AFDN: variants seen among roughly 807,000 people sequenced by gnomAD.
AFDN encodes afadin, adherens junction formation factor.
A neutral mutation model predicts 216.6 loss-of-function variants in AFDN; 68 were observed. The ratio of observed to expected loss-of-function variants is 0.31; its 90% CI spans 0.26 to 0.38. AFDN has a LOEUF of 0.38. Ranked by LOEUF, AFDN falls within the 10% of genes least tolerant of loss-of-function variation. The pLI, the probability that AFDN is intolerant of heterozygous loss-of-function variation, is 1.00. For synonymous variants in AFDN, 868 were observed against 853.7 expected, an observed-to-expected ratio of 1.02 and a Z score of -0.29; for missense variants, 2,136 against 2,342.0, an observed-to-expected ratio of 0.91 and a Z score of 1.82.
chr6:167,866,134 C>G (rs572470550), intron 2 of AFDN, among the ~76,000 whole-genome samples: 76 of 149,870 alleles, frequency 5.1e-4, no homozygotes, highest in Middle Eastern at 3.4e-3. Context: ...TCTTTTTAGT[C>G]TGTGCTGTTC....
At chr6:167,855,099 C>T (rs1039363420) in intron 1 of AFDN, among the ~76,000 whole-genome samples, 1 of 151,890 alleles carries the variant, frequency 6.6e-6, no homozygotes, top group African/African-American at 2.4e-5. Context: ...TCTTCATGTC[C>T]TTGATAACTA....
chr6:167,910,755 C>G (rs940274251), intron 13 of AFDN, among the ~76,000 whole-genome samples: 2 of 152,174 alleles, frequency 1.3e-5, no homozygotes, highest in East Asian at 3.8e-4. Context: ...TCACTTAGTA[C>G]TTTGTTTTCA....
rs149771888 is a variant in AFDN, at chr6:167,946,349, G to A, written c.3359-358G>A. The stretch of plus-strand genomic sequence containing the variant: ...CATGACGGCTGCTCAGAACGATGAC[G>A]CTGGGCGATTAAAAGTTCAGATATT... On this transcript the variant is annotated intron_variant, in intron 26 of 33. Coordinates refer to ENST00000683244, the MANE Select transcript of AFDN (RefSeq NM_001386888.1). Among the ~76,000 whole-genome samples the A allele has an allele frequency of 2.3e-3, 356 of 152,284 alleles. 4 individuals are homozygous for A. The highest frequency in any genetic ancestry group is 7.5e-3 in the African/African-American group (313 of 41,552).
chr6:167,846,602 G>A (rs1781708518), intron 1 of AFDN, among the ~76,000 whole-genome samples: 1 of 149,790 alleles, frequency 6.7e-6, no homozygotes, highest in African/African-American at 2.5e-5. Flanking sequence ...TATTTGTTGT[G>A]ATGTATATTT....
intron 11 of AFDN, 88 bp from the exon 12 acceptor site, chr6:167,902,228 AT>A: frequency 1.1e-6 from 1 of 920,530 alleles, no homozygotes; most frequent in Non-Finnish European, 1.7e-6. Context: ...GACATTTGGT[AT>A]TTTAGTTCTT....
At chr6:167,880,545 C>G in intron 6 of AFDN, 28 bp downstream of exon 6, 2 of 1,599,690 alleles carry the variant, frequency 1.3e-6, no homozygotes, top group Non-Finnish European at 1.7e-6. Flanking sequence ...ATCAGTAGTT[C>G]TTTCTACTTC....
chr6:167,959,757 G>A (rs919370561), intron 30 of AFDN, among the ~76,000 whole-genome samples: 2 of 152,294 alleles, frequency 1.3e-5, no homozygotes, highest in Non-Finnish European at 1.5e-5. Flanking sequence ...GGGGAATGTG[G>A]ACTACCCATA....
At position 167,956,114 on chromosome 6, in the gene AFDN, CAAAA is replaced by C. The variant is rs59521151; in HGVS notation, c.4833+3950_4833+3953del. 8.0e-3 allele frequency among the ~76,000 whole-genome samples: 332 copies of C among 41,286 alleles called. 2 individuals carry two copies. The highest frequency in any genetic ancestry group is 0.028 in the African/African-American group (309 of 11,032). 27.1% of individuals were successfully genotyped at this position (41,286 alleles called of 152,430 possible). ...TGGGGAACAGAGCGAGACTTTGGCT[CAAAA>C]AAAAAAAAAAAAAAAAAAAAAACTA... is the stretch of plus-strand genomic sequence containing the variant. On this transcript the variant is annotated intron_variant, in intron 30 of 33. Coordinates refer to ENST00000683244, the MANE Select transcript of AFDN (RefSeq NM_001386888.1).
chr6:167,845,363 A>G (rs2128146369), intron 1 of AFDN, among the ~76,000 whole-genome samples: 1 of 152,152 alleles, frequency 6.6e-6, no homozygotes, highest in Middle Eastern at 3.4e-3. Flanking sequence ...TATTTTTGCT[A>G]TTAAATGAAT....
intron 15 of AFDN, among the ~76,000 whole-genome samples, chr6:167,912,630 C>T (rs993074689): frequency 3.9e-5 from 6 of 152,170 alleles, no homozygotes; most frequent in African/African-American, 1.4e-4. Flanking sequence ...TTTCAGTTGT[C>T]ATTCAAAGCC....
In AFDN at chr6:167,951,575, G is replaced by A. The variant is rs145659193; in HGVS notation, c.4221G>A (p.Pro1407=). The change falls in exon 30 of 34, where the codon CCG becomes CCA. Residue 1407 remains proline, a synonymous_variant. Transcript: ENST00000683244. This position sits in a 1 kb window ranked among gnomAD's most constrained non-coding sequence, Gnocchi z 7.1. The part of the protein sequence containing the change: ...PPPSANQIGL[P]SAQVAAAERR... ...CTTCCGCCAACCAGATAGGGCTGCC[G>A]TCTGCGCAGGTGGCTGCTGCTGAAC... 8.8e-5 allele frequency: 142 copies of A among 1,613,964 alleles called. No individual in the cohort carries two copies. The African/African-American group carries it at 9.2e-4, about 10-fold the overall frequency.
chr6:167,911,240 T>TA (rs1562655927), intron 14 of AFDN, 44 bp from the exon 15 acceptor site: 1 of 1,604,194 alleles, frequency 6.2e-7, no homozygotes, highest in South Asian at 1.1e-5. Flanking sequence ...CATTCGTTTT[T>TA]ATTCTTTTTT....
At chr6:167,959,244 G>C (rs1453082018) in intron 30 of AFDN, among the ~76,000 whole-genome samples, 1 of 152,226 alleles carries the variant, frequency 6.6e-6, no homozygotes, top group South Asian at 2.1e-4. Flanking sequence ...AAGTGTGTGG[G>C]CTGTGCTACA....
At chr6:167,925,135 G>A (rs372814121) in intron 23 of AFDN, 44 bp downstream of exon 23, 7 of 1,380,962 alleles carry the variant, frequency 5.1e-6, no homozygotes, top group South Asian at 2.3e-5. Flanking sequence ...CCAGTCTTTC[G>A]GCATTGAATC....
intron 6 of AFDN, among the ~76,000 whole-genome samples, chr6:167,888,930 A>C (rs1787213169): frequency 6.6e-6 from 1 of 152,160 alleles, no homozygotes; most frequent in Non-Finnish European, 1.5e-5. Flanking sequence ...GTACTGCCGT[A>C]CTGCCTTTCC....
chr6:167,933,258 G>T (rs1037957860), intron 23 of AFDN, among the ~76,000 whole-genome samples: 4 of 152,150 alleles, frequency 2.6e-5, no homozygotes, highest in African/African-American at 9.7e-5. Context: ...AATGCCTTAA[G>T]TATGTTCAAG....
In AFDN at chr6:167,955,290, C is replaced by T. The variant is rs116321430; in HGVS notation, c.4833+3103C>T. Among the ~76,000 whole-genome samples the T allele has an allele frequency of 2.4e-5, 3 of 123,252 alleles. No homozygotes were observed. In the East Asian group the frequency reaches 1.6e-3, roughly 66 times the overall value. The allele number at this position is 123,252 out of a possible 152,430, so 80.9% of individuals were successfully genotyped here. On this transcript the variant is annotated intron_variant, in intron 30 of 33. Transcript: ENST00000683244. ...GGCCTTTTCACCAAATAATAGTCCCCTTTTCCTTCCCCCCTCAGTTTAGCA... is the reference window on the plus strand; with the variant it reads ...GGCCTTTTCACCAAATAATAGTCCCTTTTTCCTTCCCCCCTCAGTTTAGCA...
chr6:167,923,357 A>G (rs16886314), intron 22 of AFDN: 18,650 of 153,422 alleles, frequency 0.12, 1,359 homozygotes, highest in South Asian at 0.23. Flanking sequence ...GTAATATTTT[A>G]TATCTTTTTG....
chr6:167,950,621 C>T (rs940103092), intron 29 of AFDN, among the ~76,000 whole-genome samples: 3 of 152,120 alleles, frequency 2.0e-5, no homozygotes, highest in Non-Finnish European at 2.9e-5. Context: ...CAGAAAGTCA[C>T]GGATGGTTAC....
Sources: gnomAD v4.1 joint callset for allele counts (sites outside exome capture counted in the v4.1 genomes callset) on GRCh38, gnomAD v4.1.1 for gene constraint, Gnocchi (gnomAD v3.1) non-coding constraint, MANE v1.5 for transcripts, NCBI Gene and HGNC (gene_info 2026-07-23, HGNC 2026-07-21) for gene names.